PLEKHG4B: variants seen among roughly 807,000 people sequenced by gnomAD.
The protein encoded by PLEKHG4B is pleckstrin homology domain-containing family G member 4B.
A neutral mutation model predicts 121.3 loss-of-function variants in PLEKHG4B; 111 were observed. The ratio of observed to expected loss-of-function variants is 0.92; its 90% CI spans 0.78 to 1.07. The LOEUF (loss-of-function observed/expected upper bound fraction) is 1.07, where lower values mean the gene tolerates loss of function less well. Ranked by LOEUF, PLEKHG4B falls within the 50% of genes least tolerant of loss-of-function variation. The pLI is 0.00. For missense variants in PLEKHG4B, 1,831 were observed against 1,757.8 expected (o/e 1.04, Z -0.74); for synonymous variants, 738 against 725.0 (o/e 1.02, Z -0.29).
Position 139,278 on chromosome 5 carries a change from AC to A in PLEKHG4B, c.244-201del, listed in dbSNP as rs1184275010. Among the ~76,000 whole-genome samples the A allele has an allele frequency of 1.3e-5, 2 of 152,076 alleles. No homozygotes were observed. The highest frequency in any genetic ancestry group is 2.9e-5 in the Non-Finnish European group (2 of 67,994). On this transcript the variant is annotated intron_variant, in intron 2 of 19. Coordinates refer to ENST00000637938, the MANE Select transcript of PLEKHG4B (RefSeq NM_052909.5). The surrounding 1 kb of genome is among the most constrained non-coding windows in gnomAD (Gnocchi z 5.0). The stretch of plus-strand genomic sequence containing the variant: ...AGCTATACAATTGCTTTTTTAACTG[AC>A]CCCTGAACCAAAGAGCAGCCCGTGT...
chr5:121,238 C>T (rs1053547038), intron 2 of PLEKHG4B, among the ~76,000 whole-genome samples: 1 of 149,632 alleles, frequency 6.7e-6, no homozygotes, highest in Non-Finnish European at 1.5e-5. Flanking sequence ...CAGAGTGAGA[C>T]TCCGTCTAAA....
At chr5:143,284 C>T (rs767415171) in intron 4 of PLEKHG4B, 28 bp downstream of exon 4, 2 of 1,608,738 alleles carry the variant, frequency 1.2e-6, no homozygotes, top group East Asian at 2.2e-5. Context: ...GCTCTCCTGT[C>T]AGGGCGGATC....
intron 11 of PLEKHG4B, among the ~76,000 whole-genome samples, chr5:160,883 C>T (rs1345806434): frequency 2.0e-5 from 3 of 152,204 alleles, no homozygotes; most frequent in Non-Finnish European, 4.4e-5. Context: ...AGACTCTGCC[C>T]GTGCTCCTAA....
At position 163,553 on chromosome 5, in the gene PLEKHG4B, G is replaced by C. The variant is rs764706965; in HGVS notation, c.3476+5G>C. On this transcript the variant is annotated splice_donor_5th_base_variant and intron_variant, in intron 13 of 19. Coordinates refer to ENST00000637938, the MANE Select transcript of PLEKHG4B (RefSeq NM_052909.5). Reference sequence around the variant, plus strand: ...TGGGAGGCAGCAGGTGGGCAGGTGAGGTGGACGTCCCCCTCCTCTCGTCCT... The same window carrying C: ...TGGGAGGCAGCAGGTGGGCAGGTGACGTGGACGTCCCCCTCCTCTCGTCCT... 2 of 1,573,034 alleles carry C rather than the reference G, an allele frequency of 1.3e-6. No individual in the cohort carries two copies. The highest frequency in any genetic ancestry group is 1.7e-6 in the Non-Finnish European group (2 of 1,159,580).
In PLEKHG4B at chr5:139,144, C is replaced by G. The variant is rs537206278; in HGVS notation, c.244-339C>G. On this transcript the variant is annotated intron_variant, in intron 2 of 19. Transcript: ENST00000637938. The surrounding 1 kb of genome is among the most constrained non-coding windows in gnomAD (Gnocchi z 5.0). ...GCCCGGCCCCTTGCCCAGGCTGGGA[C>G]CACTCTGAGGGACAACTCATCCTTC... Among the ~76,000 whole-genome samples the G allele has an allele frequency of 6.6e-6, 1 of 152,296 alleles. No individual in the cohort carries two copies. Among genetic ancestry groups the G allele is most frequent in the South Asian group, 2.1e-4 (1 of 4,828 alleles).
At chr5:152,101 C>T (rs1019081162) in intron 7 of PLEKHG4B, among the ~76,000 whole-genome samples, 1 of 151,954 alleles carries the variant, frequency 6.6e-6, no homozygotes, top group African/African-American at 2.4e-5. Flanking sequence ...AATCGCAATG[C>T]GAGCGGGCTT....
intron 18 of PLEKHG4B, among the ~76,000 whole-genome samples, chr5:175,895 CGCCTG>C (rs1195983290): frequency 9.6e-5 from 5 of 51,882 alleles, no homozygotes; most frequent in African/African-American, 5.6e-4. Flanking sequence ...GGCTGCACCC[CGCCTG>C]AGCCCTGACC....
intron 1 of PLEKHG4B, among the ~76,000 whole-genome samples, chr5:103,405 A>G (rs1204835583): frequency 6.6e-6 from 1 of 152,140 alleles, no homozygotes; most frequent in East Asian, 1.9e-4. Context: ...CTGGGAGAAG[A>G]GGAGATTCAA....
chr5:156,298 C>T lies in PLEKHG4B; in HGVS notation c.2348+88C>T. On this transcript the variant is annotated intron_variant, in intron 10 of 19. Transcript: ENST00000637938. This position sits in a 1 kb window ranked among gnomAD's most constrained non-coding sequence, Gnocchi z 4.4. ...GCACCAGGAGGCGTAGCGCTCTGCT[C>T]CAAGGAGAGCCCCCTCTGTGCTTGG... 2 of 1,242,870 alleles carry T rather than the reference C, an allele frequency of 1.6e-6. No homozygotes were observed. Among genetic ancestry groups the T allele is most frequent in the East Asian group, 2.8e-5 (1 of 35,506 alleles). 77.0% of individuals were successfully genotyped at this position (1,242,870 alleles called of 1,614,324 possible). A position where few individuals can be genotyped will look rare whatever the true frequency, so the allele number is the denominator to read the frequency against.
intron 3 of PLEKHG4B, among the ~76,000 whole-genome samples, chr5:141,710 C>CTTTT (rs1735210144): frequency 2.4e-5 from 3 of 126,492 alleles, no homozygotes; most frequent in African/African-American, 1.1e-4. Context: ...TTAAATATTT[C>CTTTT]ATTTTTTTTT....
intron 2 of PLEKHG4B, among the ~76,000 whole-genome samples, chr5:123,401 G>A (rs1364401450): frequency 6.6e-6 from 1 of 152,062 alleles, no homozygotes; most frequent in Non-Finnish European, 1.5e-5. Context: ...GAATGAGTTA[G>A]GAAGTATTCC....
chr5:96,981 G>T (rs1398141482), intron 1 of PLEKHG4B, among the ~76,000 whole-genome samples: 1 of 152,176 alleles, frequency 6.6e-6, no homozygotes, highest in African/African-American at 2.4e-5. Context: ...GTTCAGTGGC[G>T]GTCAGTACAT....
chr5:186,242 C>T lies in PLEKHG4B; in HGVS notation c.*3919C>T, dbSNP rs918144030. The T allele has an allele frequency of 6.6e-6, 1 of 152,270 alleles. No homozygotes were observed. The highest frequency in any genetic ancestry group is 2.4e-5 in the African/African-American group (1 of 41,460). 9.4% of individuals were successfully genotyped at this position (152,270 alleles called of 1,614,324 possible). On this transcript the variant is annotated 3_prime_UTR_variant, in exon 20 of 20. Transcript: ENST00000637938. Reference sequence around the variant, plus strand: ...CAGCTGGCCCTGGGCACCTCTCTCTCTGGCCTTCTGTCCACACTGGGATTT... The same window carrying T: ...CAGCTGGCCCTGGGCACCTCTCTCTTTGGCCTTCTGTCCACACTGGGATTT...
rs754535739 is a variant in PLEKHG4B, at chr5:130,061, A to AAGAGAGAGAGAGAG, written c.244-9414_244-9413insAGAGAGAGAGAGAG. Among the ~76,000 whole-genome samples, 284 of 150,456 alleles carry AAGAGAGAGAGAGAG rather than the reference A, an allele frequency of 1.9e-3. 3 individuals carry two copies. Among genetic ancestry groups the AAGAGAGAGAGAGAG allele is most frequent in the Middle Eastern group, 0.01 (3 of 292 alleles). ...ATCCAGATGAGTCAGAGTGAATATGAAGAGAGAGTGAGAGAGAGAGAGAGA... is the reference window on the plus strand; with the variant it reads ...ATCCAGATGAGTCAGAGTGAATATGAAGAGAGAGAGAGAGAGAGAGAGTGAGAGAGAGAGAGAGA... On this transcript the variant is annotated intron_variant, in intron 2 of 19. Coordinates refer to ENST00000637938, the MANE Select transcript of PLEKHG4B (RefSeq NM_052909.5).
At position 142,169 on chromosome 5, in the gene PLEKHG4B, G is replaced by T. The variant is rs1225714228; in HGVS notation, c.1478-878G>T. Among the ~76,000 whole-genome samples, 8 of 152,200 alleles carry T rather than the reference G, an allele frequency of 5.3e-5. No individual in the cohort carries two copies. In the East Asian group the frequency reaches 1.5e-3, roughly 29 times the overall value. ...CCTGAGAGTATTCTGTCGCCTCACT[G>T]CAATTCAGCTAAAGTGAAAAGAAGT... On this transcript the variant is annotated intron_variant, in intron 3 of 19. Transcript: ENST00000637938.
intron 8 of PLEKHG4B, among the ~76,000 whole-genome samples, 171 bp from the exon 9 acceptor site, chr5:155,174 G>A (rs969805372): frequency 3.3e-5 from 5 of 152,230 alleles, no homozygotes; most frequent in African/African-American, 4.8e-5. Context: ...CCGAGCCCGG[G>A]TGGGAAGGGC....
chr5:92,559 T>TACC (rs2126319831), intron 1 of PLEKHG4B, among the ~76,000 whole-genome samples: 1 of 142,562 alleles, frequency 7.0e-6, no homozygotes, highest in East Asian at 2.1e-4. Context: ...GGGGCGCGGG[T>TACC]ACCCAGACGT....
Position 187,509 on chromosome 5 carries a change from C to G in PLEKHG4B, c.*5186C>G, listed in dbSNP as rs2126477740. On this transcript the variant is annotated 3_prime_UTR_variant, in exon 20 of 20. Transcript: ENST00000637938. Reference sequence around the variant, plus strand: ...CGTCCCCAGACCCCTCATGCCAACACCATTCCACCCAGCAGTTTCTTCCCT... The same window carrying G: ...CGTCCCCAGACCCCTCATGCCAACAGCATTCCACCCAGCAGTTTCTTCCCT... 6.6e-6 allele frequency: 1 copy of G among 152,480 alleles called. No homozygotes were observed. Among genetic ancestry groups the G allele is most frequent in the African/African-American group, 2.4e-5 (1 of 41,576 alleles). 9.4% of individuals were successfully genotyped at this position (152,480 alleles called of 1,614,324 possible).
chr5:125,604 A>G (rs1184424023), intron 2 of PLEKHG4B, among the ~76,000 whole-genome samples: 3 of 152,234 alleles, frequency 2.0e-5, no homozygotes, highest in African/African-American at 7.2e-5. Flanking sequence ...TAAATATATT[A>G]GTGTCTTAAA....
Sources: allele counts gnomAD v4.1 joint callset (sites outside exome capture counted in the v4.1 genomes callset), GRCh38; gene constraint gnomAD v4.1.1; non-coding constraint Gnocchi (gnomAD v3.1); transcripts MANE v1.5; gene names NCBI Gene and HGNC (gene_info 2026-07-23, HGNC 2026-07-21).